ATP10A: variants seen among roughly 807,000 people sequenced by gnomAD.
ATP10A encodes ATPase phospholipid transporting 10A (putative).
ATP10A carries 111 observed loss-of-function variants against 147.8 expected under a neutral mutation model. The observed-to-expected ratio is 0.75, with a 90% CI of 0.64 to 0.88. The LOEUF is 0.88. ATP10A is among the 40% of genes least tolerant of loss of function. The probability of loss-of-function intolerance (pLI) is 0.00; values close to 1 mark genes in which losing one functional copy is unlikely to be tolerated. For missense variants in ATP10A, 1,927 were observed against 1,959.0 expected (o/e 0.98, Z 0.31); for synonymous variants, 875 against 841.6 (o/e 1.04, Z -0.69).
chr15:25,696,569 G>C (rs1042148163), intron 13 of ATP10A, among the ~76,000 whole-genome samples: 1 of 152,218 alleles, frequency 6.6e-6, no homozygotes. Context: ...CTCTGAGAGG[G>C]AGTAGCAGCC....
Position 25,726,032 on chromosome 15 carries a change from T to C in ATP10A, c.898A>G (p.Ser300Gly), listed in dbSNP as rs771036875. The C allele has an allele frequency of 6.2e-7, 1 of 1,614,154 alleles. No homozygotes were observed. Among genetic ancestry groups the C allele is most frequent in the South Asian group, 1.1e-5 (1 of 91,088 alleles). Residue 300 changes from serine to glycine, a missense_variant, in exon 5 of 21, where the codon AGC becomes GGC. Coordinates refer to ENST00000555815, the MANE Select transcript of ATP10A (RefSeq NM_024490.4). The stretch of plus-strand genomic sequence containing the variant: ...CAGTTCATCTGCCTCTCCAGCTTGC[T>C]GCGCTTGTAGCGGGGCCCACTGTTG... ...LNNSGPRYKR[S>G]KLERQMNCDV...
At chr15:25,753,166 C>T (rs1888240281) in intron 2 of ATP10A, among the ~76,000 whole-genome samples, 1 of 152,096 alleles carries the variant, frequency 6.6e-6, no homozygotes, top group Admixed American at 6.6e-5. Context: ...ATTCAGCACA[C>T]TGTACAACAG....
At chr15:25,771,418 A>G (rs182484686) in intron 2 of ATP10A, among the ~76,000 whole-genome samples, 1 of 152,158 alleles carries the variant, frequency 6.6e-6, no homozygotes, top group African/African-American at 2.4e-5. Flanking sequence ...ATAAAAAATA[A>G]AAAGAAAAAC....
At chr15:25,736,355 G>A (rs1367818394) in intron 2 of ATP10A, among the ~76,000 whole-genome samples, 1 of 152,168 alleles carries the variant, frequency 6.6e-6, no homozygotes, top group African/African-American at 2.4e-5. Flanking sequence ...TGGGGGACCG[G>A]TACTGGTTAC....
intron 1 of ATP10A, among the ~76,000 whole-genome samples, chr15:25,852,837 T>C (rs1893353859): frequency 6.6e-6 from 1 of 152,098 alleles, no homozygotes; most frequent in Non-Finnish European, 1.5e-5. Context: ...AGAAGGAGGG[T>C]ATATAACCCT....
At chr15:25,832,544 G>A (rs1892404009) in intron 1 of ATP10A, among the ~76,000 whole-genome samples, 1 of 151,824 alleles carries the variant, frequency 6.6e-6, no homozygotes, top group African/African-American at 2.4e-5. Flanking sequence ...TATGCTTACA[G>A]GTCCTATGTA....
intron 1 of ATP10A, among the ~76,000 whole-genome samples, chr15:25,806,128 A>G (rs1281885031): frequency 6.6e-6 from 1 of 152,122 alleles, no homozygotes; most frequent in African/African-American, 2.4e-5. Flanking sequence ...AACAAAAGTT[A>G]CACCAAGTGT....
Position 25,862,681 on chromosome 15 carries a change from T to A in ATP10A, c.416A>T (p.Lys139Met). The change falls in exon 1 of 21, where the codon AAG becomes ATG. Residue 139 changes from lysine to methionine, a missense_variant. Lys to Met is a moderately conservative substitution (Grantham distance 95). Coordinates refer to ENST00000555815, the MANE Select transcript of ATP10A (RefSeq NM_024490.4). ...GACCAGGCAGCCCAGGTGGTTGATC[T>A]TGTGGTCGGAGCGGTGGCGGCTGTA... ...EDYSRHRSDH[K>M]INHLGCLVFS... is the part of the protein sequence containing the mutation. The A allele has an allele frequency of 1.2e-6, 2 of 1,601,426 alleles. No homozygotes were observed. Among genetic ancestry groups the A allele is most frequent in the South Asian group, 1.1e-5 (1 of 90,096 alleles).
intron 2 of ATP10A, among the ~76,000 whole-genome samples, chr15:25,742,189 G>C (rs1192394126): frequency 6.6e-6 from 1 of 152,242 alleles, no homozygotes; most frequent in Non-Finnish European, 1.5e-5. Flanking sequence ...CGTGGTTCTC[G>C]TCTCCACGGT....
intron 9 of ATP10A, among the ~76,000 whole-genome samples, chr15:25,715,877 A>T (rs1230864115): frequency 1.3e-5 from 2 of 151,980 alleles, no homozygotes; most frequent in African/African-American, 2.4e-5. Context: ...ACACACACCT[A>T]CCCCATTCAA....
intron 2 of ATP10A, among the ~76,000 whole-genome samples, chr15:25,743,129 C>A (rs554154558): frequency 6.6e-6 from 1 of 152,280 alleles, no homozygotes; most frequent in Non-Finnish European, 1.5e-5. Flanking sequence ...GGCAGAGTTC[C>A]ATGGACCACA....
chr15:25,721,973 A>G, intron 6 of ATP10A, 64 bp from the exon 7 acceptor site: 1 of 1,502,256 alleles, frequency 6.7e-7, no homozygotes, highest in East Asian at 2.3e-5. Flanking sequence ...GAATTACTCA[A>G]ATCTATTTAA....
At chr15:25,677,722 C>T (rs1899168211), downstream of ATP10A, 1 of 152,296 alleles carries the variant, frequency 6.6e-6, no homozygotes, top group South Asian at 2.1e-4. Flanking sequence ...CCCACCACCC[C>T]TTTGTCTCCC....
chr15:25,796,881 T>A (rs1166188504), intron 1 of ATP10A, among the ~76,000 whole-genome samples: 1 of 152,218 alleles, frequency 6.6e-6, no homozygotes, highest in East Asian at 1.9e-4. Context: ...TGCCAAATAA[T>A]AATTGTATAT....
intron 3 of ATP10A, among the ~76,000 whole-genome samples, chr15:25,735,362 G>A (rs549627257): frequency 5.5e-4 from 83 of 151,582 alleles, no homozygotes; most frequent in Non-Finnish European, 1.0e-3. Context: ...CACACACTCC[G>A]ATTATTATGG....
intron 1 of ATP10A, 67 bp downstream of exon 1, chr15:25,862,581 A>G: frequency 7.0e-7 from 1 of 1,435,278 alleles, no homozygotes; most frequent in Non-Finnish European, 9.2e-7. Flanking sequence ...ACTGTGCCCA[A>G]CACCAAGTTC....
rs1186648920 is a variant in ATP10A at position 25,687,736 on chromosome 15, G to C, written c.3258C>G (p.Ala1086=). Residue 1086 remains alanine, a synonymous_variant, in exon 16 of 21, where the codon GCC becomes GCG. Transcript: ENST00000555815. ...LHGHWCYSRL[A]NMVLYFFYKN... is the part of the protein sequence containing the mutation. ...TGTAGAAGAAGTACAGCACCATGTT[G>C]GCAAGTCGGGAGTAGCACCAATGCC... is the stretch of plus-strand genomic sequence containing the variant. 6.2e-7 allele frequency: 1 copy of C among 1,609,444 alleles called. No individual in the cohort carries two copies. The highest frequency in any genetic ancestry group is 1.3e-5 in the African/African-American group (1 of 74,922).
intron 1 of ATP10A, among the ~76,000 whole-genome samples, chr15:25,833,832 CGTG>C (rs1892472723): frequency 6.6e-6 from 1 of 151,982 alleles, no homozygotes; most frequent in Non-Finnish European, 1.5e-5. Flanking sequence ...ATAAGCCGGG[CGTG>C]GTGGTGGGCA....
At chr15:25,848,008 C>T (rs575499962) in intron 1 of ATP10A, among the ~76,000 whole-genome samples, 10 of 152,170 alleles carry the variant, frequency 6.6e-5, no homozygotes, top group African/African-American at 2.4e-4. Context: ...GTGGTTTCTG[C>T]CAGGCATGGC....
Sources: allele counts gnomAD v4.1 joint callset (sites outside exome capture counted in the v4.1 genomes callset), GRCh38; gene constraint gnomAD v4.1.1; transcripts MANE v1.5; gene names NCBI Gene and HGNC (gene_info 2026-07-23, HGNC 2026-07-21).